Variants in CNTN4 observed in about 807,000 individuals in gnomAD.
CNTN4 encodes contactin-4.
CNTN4 carries 77 observed loss-of-function variants against 122.5 expected under a neutral mutation model. The ratio of observed to expected loss-of-function variants is 0.63; its 90% CI spans 0.52 to 0.76. The LOEUF (loss-of-function observed/expected upper bound fraction) is 0.76, where lower values mean the gene tolerates loss of function less well. Among genes scored for constraint, CNTN4 ranks in the 30% least tolerant of loss-of-function variants. The pLI is 0.00. For missense variants in CNTN4, 1,256 were observed against 1,259.1 expected, an observed-to-expected ratio of 1.00 and a Z score of 0.04; for synonymous variants, 512 against 447.0, an observed-to-expected ratio of 1.15 and a Z score of -1.83.
chr3:2,191,705 T>TACACACAC lies in CNTN4; in HGVS notation c.-145+91067_-145+91068insCACACACA, dbSNP rs753789258. On this transcript the variant is annotated intron_variant, in intron 2 of 24. Transcript: ENST00000418658. ...TAACAAAATTCTATGTATATATATATATATACACACACACACACATACACA... is the reference window on the plus strand; with the variant it reads ...TAACAAAATTCTATGTATATATATATACACACACATATACACACACACACACATACACA... Among the ~76,000 whole-genome samples, 106 of 141,418 alleles carry TACACACAC rather than the reference T, an allele frequency of 7.5e-4. No homozygotes were observed. The East Asian group carries it at 0.02, about 27-fold the overall frequency. 92.8% of individuals were successfully genotyped at this position (141,418 alleles called of 152,430 possible). A position where few individuals can be genotyped will look rare whatever the true frequency, so the allele number is the denominator to read the frequency against.
intron 4 of CNTN4, among the ~76,000 whole-genome samples, chr3:2,655,512 T>C (rs1254717553): frequency 2.0e-5 from 3 of 152,196 alleles, no homozygotes; most frequent in African/African-American, 7.2e-5. Flanking sequence ...CTCATTCATC[T>C]AGTGGTCTCT....
chr3:2,451,910 A>G (rs987339336), intron 3 of CNTN4, among the ~76,000 whole-genome samples: 6 of 152,136 alleles, frequency 3.9e-5, no homozygotes, highest in Non-Finnish European at 7.3e-5. Context: ...CATTCCAAAA[A>G]CAAGAACTCA....
chr3:2,950,932 A>G (rs766975203), intron 13 of CNTN4, among the ~76,000 whole-genome samples: 1 of 152,234 alleles, frequency 6.6e-6, no homozygotes, highest in Non-Finnish European at 1.5e-5. Context: ...TGCACTTAGC[A>G]TAGTACTTGA....
intron 3 of CNTN4, among the ~76,000 whole-genome samples, chr3:2,490,296 C>T (rs577726200): frequency 1.2e-4 from 19 of 152,332 alleles, no homozygotes; most frequent in African/African-American, 2.2e-4. Flanking sequence ...GAAACTGTCA[C>T]GCCCACTCTC....
intron 3 of CNTN4, among the ~76,000 whole-genome samples, chr3:2,376,053 A>C (rs2045803980): frequency 6.6e-6 from 1 of 152,142 alleles, no homozygotes; most frequent in South Asian, 2.1e-4. Flanking sequence ...GCTATTTCCT[A>C]CTGCTTGTGA....
intron 8 of CNTN4, among the ~76,000 whole-genome samples, chr3:2,880,491 G>T (rs1317709557): frequency 2.0e-5 from 3 of 152,100 alleles, no homozygotes; most frequent in Non-Finnish European, 2.9e-5. Flanking sequence ...CAACGGTACG[G>T]GCTGTTTGTT....
intron 13 of CNTN4, among the ~76,000 whole-genome samples, chr3:2,969,280 C>A (rs1692638120): frequency 6.6e-6 from 1 of 152,170 alleles, no homozygotes; most frequent in South Asian, 2.1e-4. Flanking sequence ...AAAACATATA[C>A]CTCTTTTCCA....
chr3:2,192,799 A>G (rs886487201), intron 2 of CNTN4, among the ~76,000 whole-genome samples: 2 of 152,092 alleles, frequency 1.3e-5, no homozygotes, highest in African/African-American at 4.8e-5. Flanking sequence ...TTTACACCAA[A>G]ACCACTATTA....
intron 2 of CNTN4, among the ~76,000 whole-genome samples, chr3:2,332,307 C>G (rs946702334): frequency 2.6e-5 from 4 of 152,128 alleles, no homozygotes; most frequent in Admixed American, 6.5e-5. Flanking sequence ...GATGTATTCT[C>G]TTCTCATTTT....
chr3:2,524,493 T>C (rs1290484933), intron 3 of CNTN4, among the ~76,000 whole-genome samples: 1 of 152,108 alleles, frequency 6.6e-6, no homozygotes, highest in Admixed American at 6.6e-5. Context: ...GTGGAATTGA[T>C]GAGTCAGAAC....
At chr3:2,865,064 T>TC (rs1384404390) in intron 7 of CNTN4, among the ~76,000 whole-genome samples, 1 of 152,122 alleles carries the variant, frequency 6.6e-6, no homozygotes, top group African/African-American at 2.4e-5. Context: ...GGGCTTTTCC[T>TC]CCCCCAGATT....
chr3:2,908,179 T>C (rs2055319), intron 12 of CNTN4, among the ~76,000 whole-genome samples: 79,416 of 152,010 alleles, frequency 0.52, 20,836 homozygotes, highest in East Asian at 0.68. Flanking sequence ...AAATAGAGTC[T>C]TGTAATCATG....
chr3:2,706,384 T>G (rs1244882715), intron 4 of CNTN4, among the ~76,000 whole-genome samples: 1 of 152,114 alleles, frequency 6.6e-6, no homozygotes, highest in Non-Finnish European at 1.5e-5. Flanking sequence ...GAGGATGTCT[T>G]GTTAACTTTA....
At chr3:2,554,701 C>T (rs1199939121) in intron 3 of CNTN4, among the ~76,000 whole-genome samples, 2 of 152,144 alleles carry the variant, frequency 1.3e-5, no homozygotes, top group Non-Finnish European at 2.9e-5. Flanking sequence ...CCAAAATGAG[C>T]AAGCATTGAT....
chr3:2,183,718 T>C (rs1180345801), intron 2 of CNTN4, among the ~76,000 whole-genome samples: 1 of 152,138 alleles, frequency 6.6e-6, no homozygotes, highest in Non-Finnish European at 1.5e-5. Context: ...ATCTGGACTG[T>C]ATATAACTGG....
At chr3:2,743,698 G>A (rs1350320514) in intron 5 of CNTN4, among the ~76,000 whole-genome samples, 3 of 152,228 alleles carry the variant, frequency 2.0e-5, no homozygotes, top group African/African-American at 7.2e-5. Context: ...GATGGCTAAA[G>A]TGAGAATACA....
intron 6 of CNTN4, 109 bp downstream of exon 6, chr3:2,745,806 C>T (rs2089718975): frequency 1.0e-6 from 1 of 955,630 alleles, no homozygotes; most frequent in Non-Finnish European, 1.6e-6. Flanking sequence ...TAATTGGTTA[C>T]ATGATCATCT....
intron 6 of CNTN4, among the ~76,000 whole-genome samples, chr3:2,788,283 T>C (rs1413173412): frequency 3.3e-5 from 5 of 152,182 alleles, no homozygotes; most frequent in African/African-American, 1.2e-4. Flanking sequence ...GTGAATTGTC[T>C]TCTGTGTCCT....
At chr3:2,267,889 C>T (rs2041116692) in intron 2 of CNTN4, among the ~76,000 whole-genome samples, 1 of 151,616 alleles carries the variant, frequency 6.6e-6, no homozygotes, top group Non-Finnish European at 1.5e-5. Flanking sequence ...TAAATATTTT[C>T]ATATTGTAAT....
Sources: gnomAD v4.1 joint callset for allele counts (sites outside exome capture counted in the v4.1 genomes callset) on GRCh38, gnomAD v4.1.1 for gene constraint, MANE v1.5 for transcripts, NCBI Gene and HGNC (gene_info 2026-07-23, HGNC 2026-07-21) for gene names.